Variants in DSE observed in about 807,000 individuals in gnomAD.
The protein encoded by DSE is dermatan-sulfate epimerase.
DSE carries 36 observed loss-of-function variants against 84.4 expected under a neutral mutation model. The ratio of observed to expected loss-of-function variants is 0.43; its 90% CI spans 0.33 to 0.56. DSE has a LOEUF of 0.56. Among genes scored for constraint, DSE ranks in the 20% least tolerant of loss-of-function variants. The pLI is 0.06. For missense variants in DSE, 862 were observed against 1,169.6 expected (o/e 0.74, Z 3.84); for synonymous variants, 410 against 430.1 (o/e 0.95, Z 0.58).
At chr6:116,361,852 GTCA>G (rs893734362) in intron 2 of DSE, among the ~76,000 whole-genome samples, 2 of 152,110 alleles carry the variant, frequency 1.3e-5, no homozygotes, top group African/African-American at 4.8e-5. Context: ...AATGCATTAT[GTCA>G]TCAACTGATT....
intron 2 of DSE, among the ~76,000 whole-genome samples, chr6:116,336,756 A>C (rs1583040652): frequency 2.0e-4 from 1 of 4,956 alleles, no homozygotes; most frequent in South Asian, 0.014. Context: ...ACTCCATCTC[A>C]AAAAAAAAAA....
At chr6:116,393,357 A>G (rs1424570906) in intron 1 of DSE, among the ~76,000 whole-genome samples, 1 of 152,222 alleles carries the variant, frequency 6.6e-6, no homozygotes, top group Non-Finnish European at 1.5e-5. Context: ...AATTTCAACT[A>G]AGTCTCTAAT....
At chr6:116,373,401 C>T (rs1045334599) in intron 1 of DSE, among the ~76,000 whole-genome samples, 4 of 152,134 alleles carry the variant, frequency 2.6e-5, no homozygotes, top group Non-Finnish European at 5.9e-5. Flanking sequence ...GATAACAGTA[C>T]AGGCAGTTGC....
chr6:116,345,518 A>G (rs529372352), intron 2 of DSE, among the ~76,000 whole-genome samples: 2 of 152,332 alleles, frequency 1.3e-5, no homozygotes, highest in South Asian at 2.1e-4. Flanking sequence ...CTGAATGACT[A>G]CTGGGTACAT....
At chr6:116,382,919 A>G (rs1009666416) in intron 1 of DSE, among the ~76,000 whole-genome samples, 6 of 152,226 alleles carry the variant, frequency 3.9e-5, no homozygotes, top group Non-Finnish European at 7.3e-5. Context: ...AAAAGAGTAT[A>G]TGGACAAATG....
At chr6:116,406,618 A>T (rs1781946644) in intron 2 of DSE, among the ~76,000 whole-genome samples, 1 of 152,252 alleles carries the variant, frequency 6.6e-6, no homozygotes, top group Non-Finnish European at 1.5e-5. Flanking sequence ...ACTTGAGAGT[A>T]ATAATGACAT....
intron 3 of DSE, 134 bp downstream of exon 3, chr6:116,426,961 T>G: frequency 8.5e-7 from 1 of 1,179,794 alleles, no homozygotes; most frequent in Non-Finnish European, 1.2e-6. Flanking sequence ...TGAAATGAAG[T>G]AGTCCCTACA....
intron 2 of DSE, chr6:116,279,858 C>T: frequency 6.2e-7 from 1 of 1,613,002 alleles, no homozygotes; most frequent in East Asian, 2.2e-5. Flanking sequence ...CAACCGCAGG[C>T]GAACGCCCGT....
At chr6:116,263,882 T>G (rs199703622) in intron 2 of DSE, among the ~76,000 whole-genome samples, 1 of 152,228 alleles carries the variant, frequency 6.6e-6, no homozygotes, top group African/African-American at 2.4e-5. Flanking sequence ...GGATATGAAA[T>G]TCTGGGTGGA....
intron 2 of DSE, among the ~76,000 whole-genome samples, chr6:116,337,244 T>C (rs910865875): frequency 3.3e-5 from 5 of 152,134 alleles, no homozygotes; most frequent in South Asian, 2.1e-4. Context: ...ATGAGGAAAA[T>C]ATATATAAGA....
At chr6:116,294,371 A>C (rs1774520726) in intron 2 of DSE, among the ~76,000 whole-genome samples, 1 of 152,198 alleles carries the variant, frequency 6.6e-6, no homozygotes, top group Non-Finnish European at 1.5e-5. Context: ...TGGAATTAGC[A>C]AAAAACAGTT....
chr6:116,258,507 T>TGGCCAGATGCTCCAAGAA (rs1367258831), exon 2 of DSE: 1 of 1,194,654 alleles, frequency 8.4e-7, no homozygotes, highest in East Asian at 2.3e-5. Context: ...CGGTTGGACT[T>TGGCCAGATGCTCCAAGAA]GGCCACATGC....
chr6:116,315,329 GATAT>G (rs67864536), intron 2 of DSE, among the ~76,000 whole-genome samples: 4 of 147,628 alleles, frequency 2.7e-5, no homozygotes, highest in Non-Finnish European at 3.0e-5. Context: ...CACCTTCTGA[GATAT>G]ATATATATAT....
At chr6:116,380,372 G>C (rs1283378743) in intron 1 of DSE, among the ~76,000 whole-genome samples, 1 of 152,042 alleles carries the variant, frequency 6.6e-6, no homozygotes, top group Non-Finnish European at 1.5e-5. Context: ...GAAACTTTGT[G>C]AGAACAATTA....
At chr6:116,346,752 G>A (rs1220010182) in intron 2 of DSE, among the ~76,000 whole-genome samples, 3 of 152,120 alleles carry the variant, frequency 2.0e-5, no homozygotes, top group Non-Finnish European at 2.9e-5. Flanking sequence ...TCAAAATAGT[G>A]TTGGAAGTTC....
At chr6:116,348,435 C>CAAA (rs111687814) in intron 2 of DSE, among the ~76,000 whole-genome samples, 2 of 141,876 alleles carry the variant, frequency 1.4e-5, no homozygotes, top group African/African-American at 5.2e-5. Flanking sequence ...TCAAAAAAAA[C>CAAA]AAAAAAAAAC....
At chr6:116,396,501 T>C (rs1161297417) in intron 1 of DSE, among the ~76,000 whole-genome samples, 1 of 152,202 alleles carries the variant, frequency 6.6e-6, no homozygotes, top group Non-Finnish European at 1.5e-5. Flanking sequence ...TAACGTGGTG[T>C]TCTGACGGAA....
At chr6:116,336,124 G>A (rs1185448150) in intron 2 of DSE, among the ~76,000 whole-genome samples, 2 of 152,192 alleles carry the variant, frequency 1.3e-5, no homozygotes, top group Non-Finnish European at 2.9e-5. Flanking sequence ...TGGAATCCAG[G>A]AAGAATTTTA....
chr6:116,395,846 A>G lies in DSE; in HGVS notation c.-53-3352A>G, dbSNP rs558939215. On this transcript the variant is annotated intron_variant, in intron 1 of 5. Transcript: ENST00000644252. ...CAATGACTGGAAATAGAGATTTTTC[A>G]GTGAAATTTTCTAGACAGATTTAAA... Among the ~76,000 whole-genome samples the G allele has an allele frequency of 3.9e-5, 6 of 152,364 alleles. No homozygotes were observed. The South Asian group carries it at 1.2e-3, about 32-fold the overall frequency.
Sources: allele counts gnomAD v4.1 joint callset (sites outside exome capture counted in the v4.1 genomes callset), GRCh38; gene constraint gnomAD v4.1.1; transcripts MANE v1.5; gene names NCBI Gene and HGNC (gene_info 2026-07-23, HGNC 2026-07-21).